TAF6L: variants seen among roughly 807,000 people sequenced by gnomAD.
TAF6L encodes TAF6-like RNA polymerase II p300/CBP-associated factor-associated factor 65 kDa subunit 6L.
A neutral mutation model predicts 57.3 loss-of-function variants in TAF6L; 34 were observed. That is an observed-to-expected ratio of 0.59 (90% CI 0.45 to 0.79). The LOEUF is 0.79. Among genes scored for constraint, TAF6L ranks in the 30% least tolerant of loss-of-function variants. The pLI is 0.00. For synonymous variants in TAF6L, 417 were observed against 376.3 expected (o/e 1.11, Z -1.25); for missense variants, 782 against 853.2 (o/e 0.92, Z 1.04).
chr11:62,773,116 C>T (rs1305576060), intron 1 of TAF6L, among the ~76,000 whole-genome samples: 3 of 151,156 alleles, frequency 2.0e-5, no homozygotes, highest in African/African-American at 4.9e-5. Flanking sequence ...GCTGGGATTA[C>T]AGGCGTGAGC....
intron 9 of TAF6L, among the ~76,000 whole-genome samples, chr11:62,784,216 T>C (rs1726367162): frequency 6.7e-6 from 1 of 148,786 alleles, no homozygotes; most frequent in Non-Finnish European, 1.5e-5. Flanking sequence ...TCTCAATCTC[T>C]GGACCTCGTG....
intron 6 of TAF6L, among the ~76,000 whole-genome samples, chr11:62,780,893 C>G (rs11231215): frequency 6.9e-6 from 1 of 144,752 alleles, no homozygotes; most frequent in Non-Finnish European, 1.5e-5. Context: ...GCCGAGATCG[C>G]GCCACCGCAC....
intron 5 of TAF6L, 51 bp downstream of exon 5, chr11:62,778,386 G>T (rs781323529): frequency 8.1e-6 from 13 of 1,597,934 alleles, no homozygotes; most frequent in Non-Finnish European, 1.1e-5. Context: ...TCTCCCTTAG[G>T]TTCTGAGGGT....
chr11:62,781,905 G>C lies in TAF6L; in HGVS notation c.543G>C (p.Gln181His), dbSNP rs2084232654. Residue 181 changes from glutamine to histidine, a missense_variant, in exon 7 of 11, where the codon CAG becomes CAC. Gln to His is a conservative substitution (Grantham distance 24). Coordinates refer to ENST00000294168, the MANE Select transcript of TAF6L (RefSeq NM_006473.4). ...DDPQLMKVAL[Q>H]DLQTNSKIGA... ...GCCCTTCCTTTTAGGTTGCACTCCA[G>C]GACTTGCAGACGAACTCCAAGATTG... 6.2e-7 allele frequency: 1 copy of C among 1,614,036 alleles called. No homozygotes were observed. Among genetic ancestry groups the C allele is most frequent in the African/African-American group, 1.3e-5 (1 of 74,914 alleles).
rs1193637635 is a variant in TAF6L at position 62,786,561 on chromosome 11, G to T, written c.1134G>T (p.Glu378Asp). The T allele has an allele frequency of 6.4e-7, 1 of 1,561,656 alleles. No homozygotes were observed. The highest frequency in any genetic ancestry group is 8.7e-7 in the Non-Finnish European group (1 of 1,153,432). Residue 378 changes from glutamate (E) to aspartate (D), a missense_variant, in exon 11 of 11, where the codon GAG becomes GAT. Transcript: ENST00000294168. ...RLLKMKAQAA[E>D]PNRGGPGGRG... ...TGAAGATGAAGGCCCAGGCAGCAGA[G>T]CCCAACAGGGGTGGCCCAGGTGGCA...
At position 62,778,077 on chromosome 11, in the gene TAF6L, C is replaced by T. The variant is rs747994752; in HGVS notation, c.334C>T (p.Leu112=). 5 of 1,614,178 alleles carry T rather than the reference C, an allele frequency of 3.1e-6. No homozygotes were observed. The highest frequency in any genetic ancestry group is 1.1e-5 in the South Asian group (1 of 91,092). The change falls in exon 4 of 11, where the codon CTG becomes TTG. Residue 112 remains leucine, a synonymous_variant. Coordinates refer to ENST00000294168, the MANE Select transcript of TAF6L (RefSeq NM_006473.4). ...GGATCGAGAGGTGAACCTGGTGGAG[C>T]TGGCCCTGGCTACCAACATCCCCAA... The part of the protein sequence containing the change: ...PEDREVNLVE[L]ALATNIPKGC...
chr11:62,786,373 C>G lies in TAF6L; in HGVS notation c.1074C>G (p.Val358=). The change falls in exon 10 of 11, where the codon GTC becomes GTG. Residue 358 remains valine, a synonymous_variant. Transcript: ENST00000294168. ...AGGTCAAAGCAGATGGACACAAAGT[C>G]TATGGAGCCATTCTGGTGAGTACCG... The part of the protein sequence containing the change: ...NAQVKADGHK[V]YGAILVAVER... The G allele has an allele frequency of 6.2e-7, 1 of 1,614,082 alleles. No individual in the cohort carries two copies.
chr11:62,786,232 C>A (rs747911838), intron 9 of TAF6L, 28 bp from the exon 10 acceptor site: 2 of 1,597,804 alleles, frequency 1.3e-6, no homozygotes, highest in South Asian at 2.2e-5. Context: ...CAAAGACATG[C>A]TAACTGTATT....
At chr11:62,785,416 A>ACTCCTGAC (rs1193375019) in intron 9 of TAF6L, among the ~76,000 whole-genome samples, 3 of 139,032 alleles carry the variant, frequency 2.2e-5, no homozygotes, top group Non-Finnish European at 4.6e-5. Context: ...CTCGTCTCGA[A>ACTCCTGAC]CTCCTGACCT....
At chr11:62,772,912 C>T (rs1219711970) in intron 1 of TAF6L, among the ~76,000 whole-genome samples, 1 of 150,000 alleles carries the variant, frequency 6.7e-6, no homozygotes, top group Non-Finnish European at 1.5e-5. Flanking sequence ...GAGTTTAGCT[C>T]TGTCATCCAG....
intron 6 of TAF6L, among the ~76,000 whole-genome samples, chr11:62,779,841 T>C (rs2134710561): frequency 6.8e-6 from 1 of 146,776 alleles, no homozygotes; most frequent in South Asian, 2.2e-4. Flanking sequence ...AATTTTTGCA[T>C]TTTTAGTAGA....
rs374056937 is a variant in TAF6L, at chr11:62,778,808, G to GGA, written c.437-57_437-56dup. The GGA allele has an allele frequency of 9.6e-5, 137 of 1,420,796 alleles. No homozygotes were observed. In the African/African-American group the frequency reaches 1.8e-3, roughly 19 times the overall value. 88.0% of individuals were successfully genotyped at this position (1,420,796 alleles called of 1,614,324 possible). On this transcript the variant is annotated intron_variant, in intron 5 of 10. Coordinates refer to ENST00000294168, the MANE Select transcript of TAF6L (RefSeq NM_006473.4). ...GATGGTGGTTGAGGGGGAGGAGGCTGGAGAGGCCAGGAGAGGGCCAGCTCT... is the reference window on the plus strand; with the variant it reads ...GATGGTGGTTGAGGGGGAGGAGGCTGGAGAGAGGCCAGGAGAGGGCCAGCTCT...
chr11:62,776,236 G>A, intron 2 of TAF6L, 148 bp from the exon 3 acceptor site: 1 of 799,982 alleles, frequency 1.3e-6, no homozygotes, highest in Non-Finnish European at 2.0e-6. Context: ...GGGTGTTTTT[G>A]TACAGGAGCA....
Position 62,778,094 on chromosome 11 carries a change from C to T in TAF6L, c.351C>T (p.Asn117=), listed in dbSNP as rs1267824229. The part of the protein sequence containing the change: ...VNLVELALAT[N]IPKGCAETAV... ...TGGTGGAGCTGGCCCTGGCTACCAACATCCCCAAAGGCTGTGCTGAGACAG... is the reference window on the plus strand; with the variant it reads ...TGGTGGAGCTGGCCCTGGCTACCAATATCCCCAAAGGCTGTGCTGAGACAG... Residue 117 remains asparagine, a synonymous_variant, in exon 4 of 11, where the codon AAC becomes AAT. Transcript: ENST00000294168. The T allele has an allele frequency of 6.2e-7, 1 of 1,614,190 alleles. No homozygotes were observed. Among genetic ancestry groups the T allele is most frequent in the Non-Finnish European group, 8.5e-7 (1 of 1,180,042 alleles).
intron 5 of TAF6L, 189 bp downstream of exon 5, chr11:62,778,524 A>G (rs1362895528): frequency 1.6e-5 from 11 of 673,866 alleles, no homozygotes; most frequent in Non-Finnish European, 2.3e-5. Flanking sequence ...CAGACCTGTA[A>G]CTAGTCATAA....
intron 2 of TAF6L, 89 bp downstream of exon 2, chr11:62,776,019 C>G (rs1350576734): frequency 6.9e-7 from 1 of 1,445,054 alleles, no homozygotes; most frequent in East Asian, 2.4e-5. Flanking sequence ...TTCAAGTGTA[C>G]ACTGGGTGCC....
chr11:62,772,079 C>T (rs1401143212), intron 1 of TAF6L: 1 of 456,240 alleles, frequency 2.2e-6, no homozygotes, highest in Admixed American at 2.3e-5. Flanking sequence ...GTGCTTACTT[C>T]ATGATCTTGG....
At chr11:62,778,572 C>T in intron 5 of TAF6L, 1 of 622,744 alleles carries the variant, frequency 1.6e-6, no homozygotes, top group Non-Finnish European at 2.8e-6. Flanking sequence ...GTCTGGGCAG[C>T]ATGCTGGGGC....
chr11:62,775,180 GTCTT>G (rs1294215534), intron 1 of TAF6L, among the ~76,000 whole-genome samples: 2 of 152,250 alleles, frequency 1.3e-5, no homozygotes, highest in East Asian at 1.9e-4. Flanking sequence ...AAGCAAACAT[GTCTT>G]TCTTCATGTG....
Sources: allele counts gnomAD v4.1 joint callset (sites outside exome capture counted in the v4.1 genomes callset), GRCh38; gene constraint gnomAD v4.1.1; transcripts MANE v1.5; gene names NCBI Gene and HGNC (gene_info 2026-07-23, HGNC 2026-07-21).